KIRREL3: variants seen among roughly 807,000 people sequenced by gnomAD.
The protein encoded by KIRREL3 is kirre like nephrin family adhesion molecule 3.
KIRREL3 carries 36 observed loss-of-function variants against 89.7 expected under a neutral mutation model. That is an observed-to-expected ratio of 0.40 (90% CI 0.31 to 0.53). The LOEUF is 0.53. Ranked by LOEUF, KIRREL3 falls within the 20% of genes least tolerant of loss-of-function variation. The probability of loss-of-function intolerance (pLI) is 0.49; values close to 1 mark genes in which losing one functional copy is unlikely to be tolerated. For missense variants in KIRREL3, 864 were observed against 1,056.6 expected, an observed-to-expected ratio of 0.82 and a Z score of 2.53; for synonymous variants, 445 against 441.4, an observed-to-expected ratio of 1.01 and a Z score of -0.10.
rs1949835264 is a variant in KIRREL3 at position 126,766,694 on chromosome 11, A to C, written c.56-203782T>G. 6.6e-6 allele frequency among the ~76,000 whole-genome samples: 1 copy of C among 152,204 alleles called. No individual in the cohort carries two copies. Among genetic ancestry groups the C allele is most frequent in the Non-Finnish European group, 1.5e-5 (1 of 68,036 alleles). ...TGGGGCTTTGATAATCTCAATAGGC[A>C]CTTACAGAATTGACTTTTCTGCCTT... On this transcript the variant is annotated intron_variant, in intron 1 of 16. Coordinates refer to ENST00000525144, the MANE Select transcript of KIRREL3 (RefSeq NM_032531.4). This position sits in a 1 kb window ranked among gnomAD's most constrained non-coding sequence, Gnocchi z 4.2.
In KIRREL3 at chr11:126,788,712, T is replaced by C. The variant is rs1004778417; in HGVS notation, c.55+211743A>G. Among the ~76,000 whole-genome samples, 1 of 152,178 alleles carries C rather than the reference T, an allele frequency of 6.6e-6. No individual in the cohort carries two copies. On this transcript the variant is annotated intron_variant, in intron 1 of 16. Coordinates refer to ENST00000525144, the MANE Select transcript of KIRREL3 (RefSeq NM_032531.4). This position sits in a 1 kb window ranked among gnomAD's most constrained non-coding sequence, Gnocchi z 4.1. ...GACCACAAAGGCCCTACAATTGCTA[T>C]CAAAGGAACTGATTGTTTTGATCTG...
chr11:126,629,042 C>T (rs1456092707), intron 1 of KIRREL3, among the ~76,000 whole-genome samples: 2 of 152,230 alleles, frequency 1.3e-5, no homozygotes, highest in African/African-American at 4.8e-5. Flanking sequence ...AAATGCTTGT[C>T]TTTTTAGTTT....
At position 126,463,103 on chromosome 11, in the gene KIRREL3, G is replaced by C. The variant is rs991755705; in HGVS notation, c.742+54C>G. On this transcript the variant is annotated intron_variant, in intron 6 of 16. Transcript: ENST00000525144. The surrounding 1 kb of genome is among the most constrained non-coding windows in gnomAD (Gnocchi z 5.9). The stretch of plus-strand genomic sequence containing the variant: ...GCCAGGCTATGGTCAGGGTTGCTGG[G>C]TGTTTCACCCTGGGCCTGGCAGGGC... The C allele has an allele frequency of 5.1e-6, 8 of 1,565,024 alleles. No individual in the cohort carries two copies. The highest frequency in any genetic ancestry group is 4.4e-4 in the Middle Eastern group (2 of 4,582).
chr11:126,503,751 G>C (rs1957935605), intron 4 of KIRREL3, among the ~76,000 whole-genome samples: 9 of 151,670 alleles, frequency 5.9e-5, no homozygotes, highest in Admixed American at 5.9e-4. Flanking sequence ...CCTTGAAAGA[G>C]GAAGAGAGAG....
chr11:126,924,929 A>ATG lies in KIRREL3; in HGVS notation c.55+75524_55+75525dup, dbSNP rs140638282. 1.8e-4 allele frequency among the ~76,000 whole-genome samples: 27 copies of ATG among 147,382 alleles called. No homozygotes were observed. Among genetic ancestry groups the ATG allele is most frequent in the African/African-American group, 5.0e-4 (20 of 39,912 alleles). ...TGTATGTGTGTGTGTGTACATGCTT[A>ATG]TGTGTGTGTGTGTGTGTTGCAGTGG... On this transcript the variant is annotated intron_variant, in intron 1 of 16. Transcript: ENST00000525144. The surrounding 1 kb of genome is among the most constrained non-coding windows in gnomAD (Gnocchi z 4.7).
chr11:126,937,705 C>A (rs943145604), intron 1 of KIRREL3, among the ~76,000 whole-genome samples: 2 of 151,966 alleles, frequency 1.3e-5, no homozygotes, highest in African/African-American at 4.8e-5. Flanking sequence ...CAAGACCATC[C>A]TGGCTAACAC....
intron 1 of KIRREL3, among the ~76,000 whole-genome samples, chr11:126,881,639 G>T (rs953045608): frequency 3.3e-5 from 5 of 152,172 alleles, no homozygotes; most frequent in African/African-American, 7.2e-5. Flanking sequence ...CCTCTGCCTT[G>T]TAGGTTCAAG....
At position 126,890,297 on chromosome 11, in the gene KIRREL3, C is replaced by G. The variant is rs1945861923; in HGVS notation, c.55+110158G>C. ...CATACCTAAGACAGTCAGCCCTGAC[C>G]AGCAACAATAGCCGAGAAAGGGCTT... On this transcript the variant is annotated intron_variant, in intron 1 of 16. Coordinates refer to ENST00000525144, the MANE Select transcript of KIRREL3 (RefSeq NM_032531.4). The surrounding 1 kb of genome is among the most constrained non-coding windows in gnomAD (Gnocchi z 5.1). 6.6e-6 allele frequency among the ~76,000 whole-genome samples: 1 copy of G among 152,138 alleles called. No homozygotes were observed. Among genetic ancestry groups the G allele is most frequent in the South Asian group, 2.1e-4 (1 of 4,828 alleles).
At chr11:126,680,435 C>G (rs1223533786) in intron 1 of KIRREL3, among the ~76,000 whole-genome samples, 7 of 150,122 alleles carry the variant, frequency 4.7e-5, no homozygotes, top group African/African-American at 7.6e-5. Context: ...CAGCAGCCAA[C>G]AGAGGGACTT....
chr11:126,448,197 C>G (rs1456911486), intron 8 of KIRREL3, among the ~76,000 whole-genome samples: 2 of 146,508 alleles, frequency 1.4e-5, no homozygotes, highest in African/African-American at 5.1e-5. Context: ...GCAGGAGAAT[C>G]TCTTGAACCA....
chr11:126,801,285 C>G (rs1408754128), intron 1 of KIRREL3, among the ~76,000 whole-genome samples: 1 of 152,152 alleles, frequency 6.6e-6, no homozygotes, highest in Non-Finnish European at 1.5e-5. Flanking sequence ...GGACATCAGC[C>G]TGATACATCA....
chr11:126,712,789 A>G (rs1173972738), intron 1 of KIRREL3, among the ~76,000 whole-genome samples: 1 of 152,236 alleles, frequency 6.6e-6, no homozygotes, highest in Non-Finnish European at 1.5e-5. Context: ...CGTTTTTGTC[A>G]TCCTCGTTCC....
At chr11:126,453,527 AATGT>A (rs968541420) in intron 7 of KIRREL3, among the ~76,000 whole-genome samples, 2 of 152,358 alleles carry the variant, frequency 1.3e-5, no homozygotes, top group African/African-American at 4.8e-5. Context: ...AGGAAAAATC[AATGT>A]ACTTATGTGA....
At chr11:126,680,029 T>C (rs1217093228) in intron 1 of KIRREL3, among the ~76,000 whole-genome samples, 1 of 152,202 alleles carries the variant, frequency 6.6e-6, no homozygotes, top group Non-Finnish European at 1.5e-5. Context: ...CTGGGTCTGG[T>C]TCTCCCAGAA....
rs1443736998 is a variant in KIRREL3, at chr11:126,587,187, G to C, written c.56-24275C>G. 6.6e-6 allele frequency among the ~76,000 whole-genome samples: 1 copy of C among 152,072 alleles called. No individual in the cohort carries two copies. The highest frequency in any genetic ancestry group is 1.5e-5 in the Non-Finnish European group (1 of 68,014). On this transcript the variant is annotated intron_variant, in intron 1 of 16. Transcript: ENST00000525144. The surrounding 1 kb of genome is among the most constrained non-coding windows in gnomAD (Gnocchi z 5.2). ...TGGCAGTTCTTGGAAAATGTCCACT[G>C]GGGACATGACATCCAAGCTGAAACC...
chr11:126,512,832 A>C (rs1958267967), intron 4 of KIRREL3, among the ~76,000 whole-genome samples: 1 of 152,156 alleles, frequency 6.6e-6, no homozygotes, highest in Non-Finnish European at 1.5e-5. Flanking sequence ...CCCCAACCCC[A>C]AACCATGAGC....
intron 16 of KIRREL3, among the ~76,000 whole-genome samples, chr11:126,425,363 T>C (rs979643310): frequency 6.6e-6 from 1 of 152,176 alleles, no homozygotes. Context: ...TTTTTAATTG[T>C]TTTTATCCAG....
At chr11:126,457,185 A>ATGTGTGTGTG (rs35883463) in intron 6 of KIRREL3, among the ~76,000 whole-genome samples, 44 of 143,026 alleles carry the variant, frequency 3.1e-4, no homozygotes, top group Non-Finnish European at 4.4e-4. Flanking sequence ...AAGAGAGATT[A>ATGTGTGTGTG]TGTGTGTGTG....
chr11:126,618,751 T>C (rs1209266105), intron 1 of KIRREL3, among the ~76,000 whole-genome samples: 1 of 152,222 alleles, frequency 6.6e-6, no homozygotes, highest in Non-Finnish European at 1.5e-5. Flanking sequence ...ATTATAGCAA[T>C]GCGAGAACAA....
Sources: allele counts gnomAD v4.1 joint callset (sites outside exome capture counted in the v4.1 genomes callset), GRCh38; gene constraint gnomAD v4.1.1; non-coding constraint Gnocchi (gnomAD v3.1); transcripts MANE v1.5; gene names NCBI Gene and HGNC (gene_info 2026-07-23, HGNC 2026-07-21).